Variants in SLIT1 observed in about 807,000 individuals in gnomAD.
SLIT1 encodes the protein slit homolog 1 protein.
SLIT1 carries 66 observed loss-of-function variants against 186.1 expected under a neutral mutation model. The observed-to-expected ratio is 0.35, with a 90% CI of 0.29 to 0.44. SLIT1 has a LOEUF of 0.44. Ranked by LOEUF, SLIT1 falls within the 20% of genes least tolerant of loss-of-function variation. The pLI is 1.00. For synonymous variants in SLIT1, 761 were observed against 833.8 expected, an observed-to-expected ratio of 0.91 and a Z score of 1.50; for missense variants, 1,638 against 2,037.4, an observed-to-expected ratio of 0.80 and a Z score of 3.77.
chr10:97,185,808 G>T lies in SLIT1; in HGVS notation c.-134C>A. Reference sequence around the variant, plus strand: ...GCGGGCTTGCGCGCGGCGCCCCTGCGGGCTGGGAGGCACCTTGCTCCTCCA... The same window carrying T: ...GCGGGCTTGCGCGCGGCGCCCCTGCTGGCTGGGAGGCACCTTGCTCCTCCA... On this transcript the variant is annotated 5_prime_UTR_variant, in exon 1 of 37. Coordinates refer to ENST00000266058, the MANE Select transcript of SLIT1 (RefSeq NM_003061.3). 2.7e-6 allele frequency: 2 copies of T among 750,862 alleles called. No individual in the cohort carries two copies. The highest frequency in any genetic ancestry group is 3.9e-6 in the Non-Finnish European group (2 of 512,816). 46.5% of individuals were successfully genotyped at this position (750,862 alleles called of 1,614,324 possible).
At chr10:97,025,418 C>T (rs2134604457) in intron 25 of SLIT1, among the ~76,000 whole-genome samples, 1 of 152,320 alleles carries the variant, frequency 6.6e-6, no homozygotes, top group South Asian at 2.1e-4. Flanking sequence ...ACTGAATAGA[C>T]TCTGAGCCAC....
intron 4 of SLIT1, among the ~76,000 whole-genome samples, chr10:97,157,025 G>A (rs2784912): frequency 0.84 from 128,102 of 152,218 alleles, 53,979 homozygotes; most frequent in African/African-American, 0.88. Context: ...TGAGAAATAT[G>A]TAAGTTACTG....
In SLIT1 at chr10:97,010,242, T is replaced by C. The variant is rs1287047709; in HGVS notation, c.3341+751A>G. Reference sequence around the variant, plus strand: ...TGTTTAGCCATAAGAAGGAATGAAGTGCCGACACATGTTACCACACGGATG... The same window carrying C: ...TGTTTAGCCATAAGAAGGAATGAAGCGCCGACACATGTTACCACACGGATG... On this transcript the variant is annotated intron_variant, in intron 31 of 36. Coordinates refer to ENST00000266058, the MANE Select transcript of SLIT1 (RefSeq NM_003061.3). The surrounding 1 kb of genome is among the most constrained non-coding windows in gnomAD (Gnocchi z 4.8). Among the ~76,000 whole-genome samples, 1 of 152,190 alleles carries C rather than the reference T, an allele frequency of 6.6e-6. No individual in the cohort carries two copies. The highest frequency in any genetic ancestry group is 2.4e-5 in the African/African-American group (1 of 41,444).
At chr10:97,131,677 T>C (rs1324215169) in intron 4 of SLIT1, among the ~76,000 whole-genome samples, 1 of 152,152 alleles carries the variant, frequency 6.6e-6, no homozygotes, top group East Asian at 1.9e-4. Context: ...TTCCTGAAGG[T>C]CTCTTGTTTT....
chr10:97,083,871 C>A (rs947818144), intron 4 of SLIT1, among the ~76,000 whole-genome samples: 1 of 152,122 alleles, frequency 6.6e-6, no homozygotes, highest in Non-Finnish European at 1.5e-5. Flanking sequence ...TTGAGGTCTC[C>A]GAGAATGAAG....
chr10:97,157,714 A>T (rs867491527), intron 4 of SLIT1, 104 bp downstream of exon 4: 26 of 844,208 alleles, frequency 3.1e-5, no homozygotes, highest in Non-Finnish European at 4.4e-5. Context: ...GCACAGGGTC[A>T]GGGTCATGGG....
intron 4 of SLIT1, among the ~76,000 whole-genome samples, chr10:97,101,020 G>A (rs1849347793): frequency 1.3e-5 from 2 of 152,202 alleles, no homozygotes; most frequent in African/African-American, 4.8e-5. Context: ...GTGCATCAAT[G>A]AAGCTGAACC....
chr10:97,115,854 G>A (rs1027446399), intron 4 of SLIT1, among the ~76,000 whole-genome samples: 1 of 152,162 alleles, frequency 6.6e-6, no homozygotes, highest in African/African-American at 2.4e-5. Context: ...CAAGTCTTTT[G>A]AAAACAAAGA....
chr10:97,171,863 T>G (rs974006084), intron 1 of SLIT1, among the ~76,000 whole-genome samples: 4 of 151,426 alleles, frequency 2.6e-5, no homozygotes. Flanking sequence ...AGTTCCCGAG[T>G]GGCCTGCTCT....
intron 4 of SLIT1, among the ~76,000 whole-genome samples, chr10:97,086,581 CA>C (rs1408521481): frequency 6.6e-6 from 1 of 150,712 alleles, no homozygotes; most frequent in South Asian, 2.1e-4. Context: ...CCAACCCTCC[CA>C]AAAAAAAGAA....
chr10:97,163,688 A>G (rs1369168361), intron 2 of SLIT1, among the ~76,000 whole-genome samples: 1 of 152,138 alleles, frequency 6.6e-6, no homozygotes, highest in African/African-American at 2.4e-5. Context: ...ATCTTACCTC[A>G]CCACAAAATG....
chr10:97,134,496 C>A (rs1013184785), intron 4 of SLIT1, among the ~76,000 whole-genome samples: 8 of 152,140 alleles, frequency 5.3e-5, no homozygotes, highest in African/African-American at 1.9e-4. Flanking sequence ...CCGGCCGAGT[C>A]TCCATTCAAG....
chr10:97,075,080 G>T (rs904419528), intron 4 of SLIT1, among the ~76,000 whole-genome samples: 2 of 152,206 alleles, frequency 1.3e-5, no homozygotes, highest in African/African-American at 4.8e-5. Context: ...GCCTTACTTT[G>T]TCTGCCTTTC....
rs542820798 is a variant in SLIT1 at position 97,114,459 on chromosome 10, A to G, written c.413+43359T>C. On this transcript the variant is annotated intron_variant, in intron 4 of 36. Transcript: ENST00000266058. ...CATTTGAGGCCAGGAGTTCAAGACT[A>G]GCCTAGGAAACAAGACCAGCCTGGG... Among the ~76,000 whole-genome samples the G allele has an allele frequency of 8.7e-4, 132 of 152,324 alleles. 1 individual carries two copies. Among genetic ancestry groups the G allele is most frequent in the African/African-American group, 3.0e-3 (125 of 41,574 alleles).
intron 4 of SLIT1, among the ~76,000 whole-genome samples, chr10:97,067,444 A>G (rs1308480967): frequency 6.6e-6 from 1 of 152,196 alleles, no homozygotes; most frequent in East Asian, 1.9e-4. Flanking sequence ...GCACTGCCTG[A>G]GTACTTCCCA....
At chr10:97,137,424 G>T (rs1220229991) in intron 4 of SLIT1, among the ~76,000 whole-genome samples, 1 of 152,220 alleles carries the variant, frequency 6.6e-6, no homozygotes, top group Non-Finnish European at 1.5e-5. Flanking sequence ...AATACAGGAT[G>T]AGGATTAAGA....
chr10:97,041,099 C>T (rs1554846407), intron 20 of SLIT1, among the ~76,000 whole-genome samples: 1 of 152,234 alleles, frequency 6.6e-6, no homozygotes, highest in Non-Finnish European at 1.5e-5. Flanking sequence ...CTCGATTGGC[C>T]ACCAGGCTCT....
chr10:97,056,761 TG>T (rs34586671), intron 12 of SLIT1, among the ~76,000 whole-genome samples: 56,127 of 152,014 alleles, frequency 0.37, 11,499 homozygotes, highest in African/African-American at 0.54. Flanking sequence ...AAGGCATTTT[TG>T]GGGGGGGCTC....
At chr10:97,012,524 C>A (rs547511713) in intron 30 of SLIT1, among the ~76,000 whole-genome samples, 1 of 152,196 alleles carries the variant, frequency 6.6e-6, no homozygotes, top group Non-Finnish European at 1.5e-5. Context: ...GCTTGCCCTT[C>A]GTGATTGAGG....
Sources: gnomAD v4.1 joint callset for allele counts (sites outside exome capture counted in the v4.1 genomes callset) on GRCh38, gnomAD v4.1.1 for gene constraint, Gnocchi (gnomAD v3.1) non-coding constraint, MANE v1.5 for transcripts, NCBI Gene and HGNC (gene_info 2026-07-23, HGNC 2026-07-21) for gene names.